Variants in KHDRBS3 observed in about 807,000 individuals in gnomAD.
KHDRBS3 encodes KH RNA binding domain containing, signal transduction associated 3, also known as KH domain-containing, RNA-binding, signal transduction-associated protein 3.
KHDRBS3 carries 23 observed loss-of-function variants against 45.6 expected under a neutral mutation model. That is an observed-to-expected ratio of 0.50 (90% CI 0.36 to 0.72). The LOEUF (loss-of-function observed/expected upper bound fraction) is 0.72, where lower values mean the gene tolerates loss of function less well. Among genes scored for constraint, KHDRBS3 ranks in the 30% least tolerant of loss-of-function variants. The pLI is 0.00. For synonymous variants in KHDRBS3, 162 were observed against 156.5 expected (o/e 1.04, Z -0.26); for missense variants, 352 against 424.8 (o/e 0.83, Z 1.51).
chr8:135,624,442 T>C (rs1464648327), intron 7 of KHDRBS3, among the ~76,000 whole-genome samples: 1 of 152,162 alleles, frequency 6.6e-6, no homozygotes, highest in Non-Finnish European at 1.5e-5. Context: ...ACATAATACA[T>C]AGAAATTTTG....
At chr8:135,638,513 CAACA>C (rs1476784097) in intron 7 of KHDRBS3, among the ~76,000 whole-genome samples, 1 of 152,206 alleles carries the variant, frequency 6.6e-6, no homozygotes, top group African/African-American at 2.4e-5. Context: ...ACATCATACT[CAACA>C]AACTGGAAAA....
intron 4 of KHDRBS3, among the ~76,000 whole-genome samples, chr8:135,555,254 TCC>T (rs1826818003): frequency 6.6e-6 from 1 of 152,172 alleles, no homozygotes; most frequent in Admixed American, 6.5e-5. Flanking sequence ...GAAGATTCAC[TCC>T]TTATGTTTTC....
chr8:135,518,245 C>T (rs1029865097), intron 1 of KHDRBS3, among the ~76,000 whole-genome samples: 4 of 152,174 alleles, frequency 2.6e-5, no homozygotes, highest in Admixed American at 6.5e-5. Flanking sequence ...ACGATCTCAC[C>T]TCACTGCAAG....
chr8:135,458,985 G>C (rs1402364209), intron 1 of KHDRBS3: 1 of 456,058 alleles, frequency 2.2e-6, no homozygotes, highest in Non-Finnish European at 4.4e-6. Context: ...AGATGGGTGT[G>C]GGTGCCACTG....
intron 5 of KHDRBS3, among the ~76,000 whole-genome samples, chr8:135,565,059 A>G (rs1215266329): frequency 2.6e-5 from 4 of 152,170 alleles, no homozygotes; most frequent in African/African-American, 4.8e-5. Context: ...GTCTTGTTCC[A>G]TTGGCTGTCG....
Position 135,582,629 on chromosome 8 carries a change from G to A in KHDRBS3, c.807+556G>A, listed in dbSNP as rs546507060. On this transcript the variant is annotated intron_variant, in intron 6 of 8. Transcript: ENST00000355849. ...CTTAACGTAAGAGAGAATAATAACC[G>A]TGAAAGTTGAGGGGGAAGGGAATTC... 1.2e-4 allele frequency among the ~76,000 whole-genome samples: 19 copies of A among 152,264 alleles called. No individual in the cohort carries two copies. In the South Asian group the frequency reaches 3.9e-3, roughly 32 times the overall value.
chr8:135,490,401 T>TA (rs1054930912), intron 1 of KHDRBS3, among the ~76,000 whole-genome samples: 77 of 152,238 alleles, frequency 5.1e-4, no homozygotes, highest in African/African-American at 1.7e-3. Context: ...CCCTACCTCT[T>TA]ACCTGGCAGG....
chr8:135,541,126 G>T (rs1017828190), intron 2 of KHDRBS3: 3 of 152,212 alleles, frequency 2.0e-5, no homozygotes, highest in African/African-American at 4.8e-5. Context: ...GAATCAGTAG[G>T]TATATAGGAA....
intron 1 of KHDRBS3, among the ~76,000 whole-genome samples, chr8:135,480,367 G>C (rs1822501273): frequency 6.6e-6 from 1 of 152,088 alleles, no homozygotes; most frequent in African/African-American, 2.4e-5. Flanking sequence ...TGGTAATCTT[G>C]TGTATAGAAA....
intron 1 of KHDRBS3, among the ~76,000 whole-genome samples, chr8:135,468,498 GCTAAAGAGTAAATAGT>G (rs1821813005): frequency 6.6e-6 from 1 of 152,190 alleles, no homozygotes. Context: ...TTCTGTAAAG[GCTAAAGAGTAAATAGT>G]TTGTGGGCTG....
intron 1 of KHDRBS3, among the ~76,000 whole-genome samples, chr8:135,504,652 TTACTC>T (rs2130532594): frequency 6.6e-6 from 1 of 152,320 alleles, no homozygotes; most frequent in Admixed American, 6.5e-5. Context: ...TCATAGAAAT[TTACTC>T]TATGCTACTC....
At chr8:135,495,574 A>C (rs935645391) in intron 1 of KHDRBS3, among the ~76,000 whole-genome samples, 1 of 152,306 alleles carries the variant, frequency 6.6e-6, no homozygotes, top group East Asian at 1.9e-4. Flanking sequence ...AGTAAACAGC[A>C]CTTTTACTCC....
intron 2 of KHDRBS3, among the ~76,000 whole-genome samples, chr8:135,529,671 T>C (rs1286497397): frequency 1.3e-5 from 2 of 152,146 alleles, no homozygotes; most frequent in African/African-American, 2.4e-5. Flanking sequence ...TTGATTATAA[T>C]CCTTATATAT....
At chr8:135,618,018 C>CATTGTT (rs1475671559) in intron 7 of KHDRBS3, among the ~76,000 whole-genome samples, 2 of 152,172 alleles carry the variant, frequency 1.3e-5, no homozygotes, top group Non-Finnish European at 2.9e-5. Flanking sequence ...ATTCATACCT[C>CATTGTT]ATTGTTAGAC....
intron 1 of KHDRBS3, among the ~76,000 whole-genome samples, chr8:135,503,650 C>T (rs542090045): frequency 1.9e-4 from 29 of 151,686 alleles, no homozygotes; most frequent in South Asian, 6.3e-4. Context: ...GTTACAGATG[C>T]GAAGCTGAGT....
intron 8 of KHDRBS3, 105 bp downstream of exon 8, chr8:135,645,222 A>T: frequency 1.8e-6 from 2 of 1,109,736 alleles, no homozygotes; most frequent in South Asian, 2.8e-5. Context: ...ACTCTGAAAC[A>T]GCAGCTTCCT....
chr8:135,461,392 C>T (rs555270320), intron 1 of KHDRBS3, among the ~76,000 whole-genome samples: 6 of 152,226 alleles, frequency 3.9e-5, no homozygotes, highest in Middle Eastern at 3.4e-3. Context: ...TGTGAGCCAC[C>T]GTGCCTGGCC....
intron 1 of KHDRBS3, among the ~76,000 whole-genome samples, chr8:135,487,609 A>T (rs1822928770): frequency 6.6e-6 from 1 of 152,174 alleles, no homozygotes; most frequent in Non-Finnish European, 1.5e-5. Context: ...ATATGTTTGG[A>T]GGGAGTTTTC....
intron 1 of KHDRBS3, among the ~76,000 whole-genome samples, chr8:135,481,236 A>ATG (rs140635015): frequency 0.6 from 77,616 of 128,916 alleles, 23,867 homozygotes; most frequent in East Asian, 0.78. Context: ...ATATATATAT[A>ATG]TATATATATA....
Sources: allele counts gnomAD v4.1 joint callset (sites outside exome capture counted in the v4.1 genomes callset), GRCh38; gene constraint gnomAD v4.1.1; transcripts MANE v1.5; gene names NCBI Gene and HGNC (gene_info 2026-07-23, HGNC 2026-07-21).